The following TMED3 variants were observed in gnomAD, a reference collection of about 807,000 sequenced individuals.
TMED3 encodes transmembrane p24 trafficking protein 3.
A neutral mutation model predicts 15.0 loss-of-function variants in TMED3; 9 were observed. The observed-to-expected ratio is 0.60, with a 90% CI of 0.36 to 1.04. The LOEUF (loss-of-function observed/expected upper bound fraction) is 1.04. Among genes scored for constraint, TMED3 ranks in the 50% least tolerant of loss-of-function variants. The probability of loss-of-function intolerance (pLI) is 0.01; values close to 1 mark genes in which losing one functional copy is unlikely to be tolerated. For synonymous variants in TMED3, 117 were observed against 121.4 expected (o/e 0.96, Z 0.24); for missense variants, 267 against 278.9 (o/e 0.96, Z 0.30).
intron 2 of TMED3, among the ~76,000 whole-genome samples, chr15:79,365,882 G>A (rs1387138248): frequency 6.6e-6 from 1 of 152,180 alleles, no homozygotes; most frequent in Non-Finnish European, 1.5e-5. Flanking sequence ...AGGTCTGTGT[G>A]CCAGCAGATC....
intron 2 of TMED3, among the ~76,000 whole-genome samples, chr15:79,396,964 C>T (rs1893770416): frequency 1.3e-5 from 2 of 152,272 alleles, no homozygotes; most frequent in Admixed American, 1.3e-4. Context: ...TAAAATGACA[C>T]ACGTGGCTTG....
At chr15:79,361,390 A>G (rs76603043) in intron 2 of TMED3, among the ~76,000 whole-genome samples, 166 of 152,350 alleles carry the variant, frequency 1.1e-3, no homozygotes, top group African/African-American at 3.7e-3. Context: ...TTCAATATAT[A>G]CGATGGAACA....
At chr15:79,397,089 A>T (rs538998779) in intron 2 of TMED3, among the ~76,000 whole-genome samples, 6 of 152,328 alleles carry the variant, frequency 3.9e-5, no homozygotes, top group African/African-American at 1.4e-4. Context: ...GTCAGGTTTT[A>T]AAACCATGAC....
At chr15:79,404,986 G>T (rs778389049) in intron 2 of TMED3, among the ~76,000 whole-genome samples, 20 of 152,208 alleles carry the variant, frequency 1.3e-4, no homozygotes, top group Non-Finnish European at 2.9e-4. Context: ...AGGTGGCACT[G>T]GTGTGTCAAA....
chr15:79,349,926 CACTT>C (rs1300779422), intron 2 of TMED3, among the ~76,000 whole-genome samples: 7 of 152,362 alleles, frequency 4.6e-5, no homozygotes, highest in Non-Finnish European at 8.8e-5. Flanking sequence ...AGATGCCACT[CACTT>C]ACTCTGTATC....
intron 2 of TMED3, among the ~76,000 whole-genome samples, chr15:79,340,689 G>A (rs1264974966): frequency 6.6e-6 from 1 of 152,200 alleles, no homozygotes; most frequent in African/African-American, 2.4e-5. Context: ...TGTCAATTAT[G>A]ATGTAACTTG....
At chr15:79,406,921 A>G (rs1216182988) in intron 2 of TMED3, among the ~76,000 whole-genome samples, 1 of 152,200 alleles carries the variant, frequency 6.6e-6, no homozygotes, top group Non-Finnish European at 1.5e-5. Flanking sequence ...GCCTAGTTCT[A>G]TGCAGCATTT....
At chr15:79,323,432 C>A (rs149098922), downstream of TMED3, among the ~76,000 whole-genome samples, 2 of 152,292 alleles carry the variant, frequency 1.3e-5, no homozygotes, top group Non-Finnish European at 2.9e-5. Flanking sequence ...ATAAATGTTG[C>A]TTATCTTTCA....
chr15:79,406,235 G>A (rs1893901505), intron 2 of TMED3, among the ~76,000 whole-genome samples: 1 of 152,184 alleles, frequency 6.6e-6, no homozygotes, highest in African/African-American at 2.4e-5. Flanking sequence ...CTTCACCGGG[G>A]TGAGGGGCTG....
rs141496857 is a variant in TMED3, at chr15:79,344,132, AGAG to A, written c.417+30128_417+30130del. On this transcript the variant is annotated intron_variant, in intron 2 of 2. Coordinates refer to the TMED3 transcript ENST00000424155. Reference sequence around the variant, plus strand: ...CTCCAACTTATAGAAGTTGAGAAGAAGAGAAGGTCAAATAGAAAGTGAGAGGGA... The same window carrying A: ...CTCCAACTTATAGAAGTTGAGAAGAAAAGGTCAAATAGAAAGTGAGAGGGA... Among the ~76,000 whole-genome samples the A allele has an allele frequency of 9.7e-3, 1,477 of 152,312 alleles. 20 individuals are homozygous for A. Among genetic ancestry groups the A allele is most frequent in the African/African-American group, 0.033 (1,363 of 41,560 alleles).
chr15:79,367,880 G>A (rs1216486324), intron 2 of TMED3, among the ~76,000 whole-genome samples: 1 of 152,238 alleles, frequency 6.6e-6, no homozygotes, highest in East Asian at 1.9e-4. Context: ...TGTTAAGGAA[G>A]AGAAGCTTTG....
chr15:79,327,887 T>G (rs1286467635), intron 2 of TMED3, among the ~76,000 whole-genome samples: 1 of 152,230 alleles, frequency 6.6e-6, no homozygotes, highest in Non-Finnish European at 1.5e-5. Context: ...AGAAAATAGT[T>G]GCTTCCTTGG....
At chr15:79,325,672 C>T (rs1017313786), downstream of TMED3, among the ~76,000 whole-genome samples, 2 of 152,080 alleles carry the variant, frequency 1.3e-5, no homozygotes, top group South Asian at 2.1e-4. Context: ...AGGCTCAGTC[C>T]GAGTCCAAAA....
At chr15:79,328,527 C>G (rs865811345) in intron 2 of TMED3, among the ~76,000 whole-genome samples, 3 of 152,182 alleles carry the variant, frequency 2.0e-5, no homozygotes, top group African/African-American at 4.8e-5. Context: ...AGCCAGCCCC[C>G]CAAAATGGGC....
chr15:79,408,043 A>T (rs1466691092), intron 2 of TMED3, among the ~76,000 whole-genome samples: 1 of 152,206 alleles, frequency 6.6e-6, no homozygotes, highest in Non-Finnish European at 1.5e-5. Flanking sequence ...AAGATCAAAT[A>T]AGACAATGGA....
At chr15:79,357,890 A>G (rs990991361) in intron 2 of TMED3, among the ~76,000 whole-genome samples, 2 of 152,198 alleles carry the variant, frequency 1.3e-5, no homozygotes, top group Admixed American at 1.3e-4. Context: ...CCTGCATGCC[A>G]TCATACCCTA....
chr15:79,335,333 A>G (rs542860631), intron 2 of TMED3, among the ~76,000 whole-genome samples: 2 of 152,350 alleles, frequency 1.3e-5, no homozygotes, highest in African/African-American at 2.4e-5. Context: ...CAAACAAACA[A>G]ACAACAAAGA....
intron 2 of TMED3, among the ~76,000 whole-genome samples, chr15:79,316,654 A>G (rs1323253191): frequency 6.6e-6 from 1 of 152,134 alleles, no homozygotes; most frequent in African/African-American, 2.4e-5. Flanking sequence ...GGATGGTGCC[A>G]GAGGTGGGAT....
intron 2 of TMED3, among the ~76,000 whole-genome samples, chr15:79,403,895 A>G (rs1234956241): frequency 1.3e-5 from 2 of 152,202 alleles, no homozygotes; most frequent in South Asian, 2.1e-4. Context: ...TATTGGGGAC[A>G]CTATACCCGG....
Sources: allele counts gnomAD v4.1 joint callset (sites outside exome capture counted in the v4.1 genomes callset), GRCh38; gene constraint gnomAD v4.1.1; transcripts MANE v1.5; gene names NCBI Gene and HGNC (gene_info 2026-07-23, HGNC 2026-07-21).